Variants in FNBP1 observed in about 807,000 individuals in gnomAD.
FNBP1 encodes the protein formin-binding protein 1.
In FNBP1, 26 loss-of-function variants were observed where a neutral mutation model predicts 90.6. That is an observed-to-expected ratio of 0.29 (90% CI 0.21 to 0.40). The LOEUF (loss-of-function observed/expected upper bound fraction) is 0.40, where lower values mean the gene tolerates loss of function less well. Ranked by LOEUF, FNBP1 falls within the 10% of genes least tolerant of loss-of-function variation. The pLI is 1.00. For missense variants in FNBP1, 635 were observed against 768.0 expected, an observed-to-expected ratio of 0.83 and a Z score of 2.05; for synonymous variants, 260 against 265.2, an observed-to-expected ratio of 0.98 and a Z score of 0.19.
chr9:130,052,973 G>A, the FNBP1 span, among the ~76,000 whole-genome samples: 1 of 151,864 alleles, frequency 6.6e-6, no homozygotes, highest in East Asian at 2.0e-4. Context: ...AAAATTAGCC[G>A]GGCGTGGTGG....
the FNBP1 span, among the ~76,000 whole-genome samples, chr9:130,052,049 G>A: frequency 1.3e-5 from 2 of 152,136 alleles, no homozygotes; most frequent in Non-Finnish European, 2.9e-5. Flanking sequence ...TTGAAACTAT[G>A]AAATCACATG....
At position 129,888,629 on chromosome 9, in the gene FNBP1, CAG is replaced by C. The variant is rs1037061903; in HGVS notation, c.*1908_*1909del. ...CAGTCCCCCCCGGGGAAGAAGCAGT[CAG>C]AGAGGCTCACGCTCACCTACTTTAA... On this transcript the variant is annotated 3_prime_UTR_variant, in exon 17 of 17. Coordinates refer to ENST00000446176, the MANE Select transcript of FNBP1 (RefSeq NM_015033.3). 8.6e-6 allele frequency: 2 copies of C among 232,910 alleles called. No individual in the cohort carries two copies. The highest frequency in any genetic ancestry group is 4.4e-5 in the African/African-American group (2 of 45,322). The allele number at this position is 232,910 out of a possible 1,614,324, so 14.4% of individuals were successfully genotyped here.
chr9:130,045,392 T>C (rs2060055030), upstream of FNBP1, among the ~76,000 whole-genome samples: 1 of 152,230 alleles, frequency 6.6e-6, no homozygotes, highest in South Asian at 2.1e-4. Context: ...GGCTTGACTT[T>C]TTAGTCAAAT....
chr9:129,923,141 A>G (rs78577032), intron 10 of FNBP1, among the ~76,000 whole-genome samples: 1,939 of 152,198 alleles, frequency 0.013, 18 homozygotes, highest in Middle Eastern at 0.024. Flanking sequence ...AGGATTACAG[A>G]TGTGAACTAT....
intron 15 of FNBP1, among the ~76,000 whole-genome samples, chr9:129,896,257 G>A (rs2035720706): frequency 6.6e-6 from 1 of 152,142 alleles, no homozygotes; most frequent in East Asian, 1.9e-4. Context: ...CTCCCTCCCA[G>A]AATGGTAAGT....
At chr9:129,993,837 C>T (rs1319039117) in intron 2 of FNBP1, among the ~76,000 whole-genome samples, 1 of 150,972 alleles carries the variant, frequency 6.6e-6, no homozygotes, top group South Asian at 2.1e-4. Context: ...GTTGGCCAGG[C>T]GGGTCTCGAA....
At chr9:129,998,275 G>C (rs560895488) in intron 1 of FNBP1, among the ~76,000 whole-genome samples, 1 of 151,506 alleles carries the variant, frequency 6.6e-6, no homozygotes, top group Non-Finnish European at 1.5e-5. Context: ...AGGCTGAGGC[G>C]GGAGGATCAG....
intron 1 of FNBP1, among the ~76,000 whole-genome samples, chr9:130,024,826 C>T (rs955078779): frequency 6.6e-6 from 1 of 152,170 alleles, no homozygotes; most frequent in African/African-American, 2.4e-5. Context: ...ACCTTACTCA[C>T]TTGCTGATCT....
chr9:129,974,689 G>A (rs1168235660), intron 4 of FNBP1, among the ~76,000 whole-genome samples: 1 of 151,310 alleles, frequency 6.6e-6, no homozygotes, highest in Non-Finnish European at 1.5e-5. Flanking sequence ...GCAAGACCTT[G>A]TCTCTACAAA....
intron 2 of FNBP1, among the ~76,000 whole-genome samples, chr9:129,991,694 C>G (rs985647280): frequency 1.3e-5 from 2 of 149,994 alleles, no homozygotes. Flanking sequence ...GCGTCTCACT[C>G]TGTCGCCCAG....
chr9:130,005,310 G>T lies in FNBP1; in HGVS notation c.25-10352C>A, dbSNP rs185160499. Among the ~76,000 whole-genome samples the T allele has an allele frequency of 2.7e-5, 4 of 150,044 alleles. No homozygotes were observed. The Admixed American group carries it at 2.7e-4, about 10-fold the overall frequency. ...ATTAACTTCTCGAGCTTTTAACAAA[G>T]ATTTAAATTAATTTCCATAGACAAA... On this transcript the variant is annotated intron_variant, in intron 1 of 16. Transcript: ENST00000446176.
chr9:130,003,233 C>A (rs970515984), intron 1 of FNBP1, among the ~76,000 whole-genome samples: 1 of 151,870 alleles, frequency 6.6e-6, no homozygotes, highest in Non-Finnish European at 1.5e-5. Flanking sequence ...TCGAGGCAGG[C>A]GGATCATGAG....
At chr9:130,047,021 T>G (rs909020565), upstream of FNBP1, among the ~76,000 whole-genome samples, 2 of 152,094 alleles carry the variant, frequency 1.3e-5, no homozygotes, top group Admixed American at 1.3e-4. Flanking sequence ...GATTGACACC[T>G]ACTTGGGGTG....
intron 7 of FNBP1, among the ~76,000 whole-genome samples, chr9:129,928,730 A>G (rs113491441): frequency 0.013 from 1,930 of 152,266 alleles, 18 homozygotes; most frequent in Middle Eastern, 0.024. Flanking sequence ...TGCAAACTAT[A>G]GAAATTTGCA....
chr9:130,031,445 C>A lies in FNBP1; in HGVS notation c.24+11507G>T, dbSNP rs1286840388. On this transcript the variant is annotated intron_variant, in intron 1 of 16. Transcript: ENST00000446176. The surrounding 1 kb of genome is among the most constrained non-coding windows in gnomAD (Gnocchi z 4.2). The stretch of plus-strand genomic sequence containing the variant: ...TGCTCATCATTTGAGAGCTCTGTGC[C>A]CTCCATGACCCTTTGGACATACCAT... 6.6e-6 allele frequency among the ~76,000 whole-genome samples: 1 copy of A among 152,164 alleles called. No individual in the cohort carries two copies. Among genetic ancestry groups the A allele is most frequent in the East Asian group, 1.9e-4 (1 of 5,188 alleles).
At chr9:129,927,723 G>A (rs1279403845) in intron 7 of FNBP1, among the ~76,000 whole-genome samples, 1 of 151,686 alleles carries the variant, frequency 6.6e-6, no homozygotes, top group African/African-American at 2.4e-5. Context: ...ATTCTCCTGC[G>A]TCAGCCTCCC....
In FNBP1 at chr9:129,900,110, G is replaced by A; in HGVS notation, c.1551-9C>T. The A allele has an allele frequency of 6.3e-7, 1 of 1,597,072 alleles. No homozygotes were observed. Among genetic ancestry groups the A allele is most frequent in the South Asian group, 1.1e-5 (1 of 88,726 alleles). Reference sequence around the variant, plus strand: ...TGTAACTGCCATCTGGGCTGCTCAAGAAAGGAAAACACAAAGCAACTAAAG... The same window carrying A: ...TGTAACTGCCATCTGGGCTGCTCAAAAAAGGAAAACACAAAGCAACTAAAG... On this transcript the variant is annotated splice_polypyrimidine_tract_variant and intron_variant, in intron 14 of 16. Transcript: ENST00000446176. The surrounding 1 kb of genome is among the most constrained non-coding windows in gnomAD (Gnocchi z 4.1).
chr9:129,900,421 T>G lies in FNBP1; in HGVS notation c.1550+5A>C, dbSNP rs1353921965. On this transcript the variant is annotated splice_donor_5th_base_variant and intron_variant, in intron 14 of 16. Coordinates refer to ENST00000446176, the MANE Select transcript of FNBP1 (RefSeq NM_015033.3). This position sits in a 1 kb window ranked among gnomAD's most constrained non-coding sequence, Gnocchi z 4.1. ...CCAGAGGCAGGCGCTGTGCAGATAC[T>G]GTACCTCTCACGGTCCTGGGCGCAG... 1.3e-6 allele frequency: 2 copies of G among 1,577,772 alleles called. No homozygotes were observed. Among genetic ancestry groups the G allele is most frequent in the Non-Finnish European group, 1.7e-6 (2 of 1,165,118 alleles).
At chr9:129,973,587 G>A (rs1367673509) in intron 4 of FNBP1, among the ~76,000 whole-genome samples, 19 of 151,696 alleles carry the variant, frequency 1.3e-4, no homozygotes, top group African/African-American at 2.7e-4. Flanking sequence ...TGCAAGCTCC[G>A]CCTCCTGGGT....
Sources: allele counts gnomAD v4.1 joint callset (sites outside exome capture counted in the v4.1 genomes callset), GRCh38; gene constraint gnomAD v4.1.1; non-coding constraint Gnocchi (gnomAD v3.1); transcripts MANE v1.5; gene names NCBI Gene and HGNC (gene_info 2026-07-23, HGNC 2026-07-21).